The following DNAH3 variants were observed in gnomAD, a reference collection of about 807,000 sequenced individuals.
DNAH3 encodes the protein dynein axonemal heavy chain 3.
A neutral mutation model predicts 432.5 loss-of-function variants in DNAH3; 332 were observed. The ratio of observed to expected loss-of-function variants is 0.77; its 90% CI spans 0.70 to 0.84. DNAH3 has a LOEUF of 0.84. Among genes scored for constraint, DNAH3 ranks in the 40% least tolerant of loss-of-function variants. DNAH3 has a pLI of 0.00. For missense variants in DNAH3, 4,861 were observed against 5,114.0 expected (o/e 0.95, Z 1.51); for synonymous variants, 1,956 against 1,900.2 (o/e 1.03, Z -0.76).
chr16:21,111,493 C>T (rs1597396749), intron 14 of DNAH3, 133 bp downstream of exon 14: 3 of 858,342 alleles, frequency 3.5e-6, no homozygotes, highest in East Asian at 5.2e-5. Context: ...CCTCACTACC[C>T]TTACTTAGGG....
intron 1 of DNAH3, among the ~76,000 whole-genome samples, chr16:21,154,230 C>T (rs567557199): frequency 6.6e-6 from 1 of 152,272 alleles, no homozygotes; most frequent in African/African-American, 2.4e-5. Flanking sequence ...ATGGTGAAAC[C>T]CCGTCTCTAC....
intron 36 of DNAH3, among the ~76,000 whole-genome samples, chr16:21,032,480 A>G (rs192222061): frequency 1.5e-3 from 235 of 152,280 alleles, no homozygotes; most frequent in Non-Finnish European, 2.2e-3. Flanking sequence ...CCTTCAAAGT[A>G]GGGAAAAGTT....
At chr16:20,936,927 C>G (rs2083613578) in intron 59 of DNAH3, 74 bp from the exon 60 acceptor site, 1 of 1,227,718 alleles carries the variant, frequency 8.1e-7, no homozygotes, top group African/African-American at 1.5e-5. Context: ...TGACTGCTGT[C>G]CCCTTTAAAA....
intron 55 of DNAH3, 35 bp from the exon 56 acceptor site, chr16:20,952,584 T>C (rs370131157): frequency 3.7e-6 from 5 of 1,343,972 alleles, no homozygotes; most frequent in African/African-American, 1.4e-5. Context: ...GCTTCAGTGC[T>C]GAGAGCTCTT....
chr16:20,945,467 C>A (rs1216297137), intron 57 of DNAH3, among the ~76,000 whole-genome samples: 1 of 151,674 alleles, frequency 6.6e-6, no homozygotes, highest in Non-Finnish European at 1.5e-5. Flanking sequence ...ATTGCTCTGT[C>A]TATGAAGTAG....
At chr16:20,990,450 T>G (rs1322571325) in intron 44 of DNAH3, among the ~76,000 whole-genome samples, 1 of 152,186 alleles carries the variant, frequency 6.6e-6, no homozygotes, top group Non-Finnish European at 1.5e-5. Context: ...TATTCAATGA[T>G]TTTTAATATA....
chr16:21,019,104 G>A (rs1398111279), intron 41 of DNAH3: 1 of 148,150 alleles, frequency 6.7e-6, no homozygotes, highest in Admixed American at 6.7e-5. Context: ...AAGTGGTTAA[G>A]TATCCCATAA....
chr16:20,949,625 T>C (rs1372499300), intron 56 of DNAH3, among the ~76,000 whole-genome samples: 4 of 152,190 alleles, frequency 2.6e-5, no homozygotes, highest in South Asian at 2.1e-4. Context: ...CTAGTGTATA[T>C]GTTGAGATGG....
At chr16:20,989,123 G>A (rs71374847) in intron 44 of DNAH3, among the ~76,000 whole-genome samples, 16 of 152,100 alleles carry the variant, frequency 1.1e-4, no homozygotes, top group African/African-American at 3.4e-4. Flanking sequence ...ACCACTGCTG[G>A]CTCGGGCAGC....
At chr16:21,002,841 A>G (rs1307882526) in intron 42 of DNAH3, among the ~76,000 whole-genome samples, 3 of 152,154 alleles carry the variant, frequency 2.0e-5, no homozygotes, top group Non-Finnish European at 4.4e-5. Flanking sequence ...CCATGTGTTC[A>G]TGTATAACAC....
At chr16:21,129,735 T>A (rs532644052) in intron 7 of DNAH3, among the ~76,000 whole-genome samples, 1 of 151,556 alleles carries the variant, frequency 6.6e-6, no homozygotes, top group East Asian at 1.9e-4. Context: ...AGGCTCTGTC[T>A]CAAAAACAAA....
Position 21,104,466 on chromosome 16 carries a change from G to C in DNAH3, c.2366+5C>G. The C allele has an allele frequency of 1.2e-6, 2 of 1,613,080 alleles. No individual in the cohort carries two copies. The highest frequency in any genetic ancestry group is 1.7e-6 in the Non-Finnish European group (2 of 1,179,146). ...TTCCAAGACAATCCCAGACTCTCCC[G>C]GTACCTTTTAATCAGATCCATTTCT... On this transcript the variant is annotated splice_donor_5th_base_variant and intron_variant, in intron 16 of 61. Coordinates refer to ENST00000261383, the Ensembl canonical transcript of DNAH3.
intron 43 of DNAH3, 55 bp from the exon 44 acceptor site, chr16:20,997,517 T>C (rs1400627715): frequency 3.8e-6 from 6 of 1,582,610 alleles, no homozygotes; most frequent in Non-Finnish European, 5.2e-6. Context: ...TCTTCTGCTC[T>C]TACAGAGGTA....
At chr16:21,056,633 G>A (rs2090146129) in intron 27 of DNAH3, among the ~76,000 whole-genome samples, 1 of 152,160 alleles carries the variant, frequency 6.6e-6, no homozygotes, top group Non-Finnish European at 1.5e-5. Context: ...TTTGTTAAAT[G>A]AACAATAAAT....
At chr16:21,002,074 C>T (rs775151859) in intron 42 of DNAH3, among the ~76,000 whole-genome samples, 14 of 152,274 alleles carry the variant, frequency 9.2e-5, no homozygotes, top group Non-Finnish European at 2.1e-4. Context: ...AGTCAGCACA[C>T]ATTCACCCTG....
chr16:20,948,464 C>T lies in DNAH3; in HGVS notation c.11343+19G>A, dbSNP rs370070553. ...AGCCCTGTGGGGGAAAGAGGTAGGCCTCCCTGCCCACCCCTTACCTGGTAG... is the reference window on the plus strand; with the variant it reads ...AGCCCTGTGGGGGAAAGAGGTAGGCTTCCCTGCCCACCCCTTACCTGGTAG... On this transcript the variant is annotated intron_variant, in intron 57 of 61. Transcript: ENST00000261383. 2.3e-4 allele frequency: 374 copies of T among 1,610,222 alleles called. 2 individuals are homozygous for T. The highest frequency in any genetic ancestry group is 1.1e-4 in the Non-Finnish European group (126 of 1,178,474).
intron 38 of DNAH3, 128 bp from the exon 39 acceptor site, chr16:21,024,829 T>A (rs2088457343): frequency 1.4e-6 from 1 of 740,440 alleles, no homozygotes; most frequent in Non-Finnish European, 2.4e-6. Flanking sequence ...AATAACCTAG[T>A]CCCCTGGGTT....
chr16:21,127,921 G>A lies in DNAH3; in HGVS notation c.1083-109C>T, dbSNP rs76398978. 1.9e-3 allele frequency: 2,448 copies of A among 1,284,838 alleles called. 11 individuals carry two copies. Among genetic ancestry groups the A allele is most frequent in the Non-Finnish European group, 2.4e-3 (2,211 of 909,556 alleles). 79.6% of individuals were successfully genotyped at this position (1,284,838 alleles called of 1,614,324 possible). A position where few individuals can be genotyped will look rare whatever the true frequency, so the allele number is the denominator to read the frequency against. ...CACGTTTCTCAATGAAAGTTAAGCA[G>A]AATCAAATGAATTACAGGATATGGG... On this transcript the variant is annotated intron_variant, in intron 7 of 61. Transcript: ENST00000261383.
At chr16:20,964,959 C>A in exon 53 of DNAH3, 2 of 1,614,142 alleles carry the variant, frequency 1.2e-6, no homozygotes, top group Non-Finnish European at 1.7e-6. Context: ...CCTTCTCTCC[C>A]CCAAGACCAC....
Sources: gnomAD v4.1 joint callset for allele counts (sites outside exome capture counted in the v4.1 genomes callset) on GRCh38, gnomAD v4.1.1 for gene constraint, MANE v1.5 for transcripts, NCBI Gene and HGNC (gene_info 2026-07-23, HGNC 2026-07-21) for gene names.